Variants in SLC4A8 observed in about 807,000 individuals in gnomAD.
SLC4A8 encodes the protein electroneutral sodium bicarbonate exchanger 1.
A neutral mutation model predicts 125.0 loss-of-function variants in SLC4A8; 40 were observed. That is an observed-to-expected ratio of 0.32 (90% confidence interval 0.25 to 0.42). SLC4A8 has a LOEUF of 0.42. SLC4A8 is among the 10% of genes least tolerant of loss of function. SLC4A8 has a pLI of 1.00. For synonymous variants in SLC4A8, 456 were observed against 476.0 expected (o/e 0.96, Z 0.55); for missense variants, 863 against 1,355.1 (o/e 0.64, Z 5.70).
intron 5 of SLC4A8, among the ~76,000 whole-genome samples, chr12:51,456,200 G>A (rs1592214303): frequency 6.6e-6 from 1 of 152,122 alleles, no homozygotes; most frequent in South Asian, 2.1e-4. Context: ...GATAGATAGA[G>A]GGAGACATGA....
Position 51,493,723 on chromosome 12 carries a change from TC to T in SLC4A8, c.2721del (p.Tyr908ThrfsTer21). ...AILKFIPMPVLYGVFLYMGVS... is the reference protein window; with the variant it reads ...AILKFIPMPVXYGVFLYMGVS... The stretch of plus-strand genomic sequence containing the variant: ...CTTCAGTTTATTCCAATGCCAGTAC[TC>T]TACGGAGTTTTCCTTTACATGGGAG... On this transcript the variant is annotated frameshift_variant, in exon 20 of 25. Transcript: ENST00000453097. LOFTEE classifies it high-confidence loss of function. 6.2e-7 allele frequency: 1 copy of T among 1,610,310 alleles called. No individual in the cohort carries two copies. Among genetic ancestry groups the T allele is most frequent in the Non-Finnish European group, 8.5e-7 (1 of 1,176,478 alleles).
upstream of SLC4A8, among the ~76,000 whole-genome samples, chr12:51,423,446 A>G (rs1393093699): frequency 6.6e-6 from 1 of 152,234 alleles, no homozygotes; most frequent in Non-Finnish European, 1.5e-5. Flanking sequence ...TGACAGGATT[A>G]GTAAAGAGAT....
intron 17 of SLC4A8, 127 bp from the exon 18 acceptor site, chr12:51,488,571 CT>C (rs10706140): frequency 0.45 from 226,545 of 504,410 alleles, 21,508 homozygotes; most frequent in African/African-American, 0.53. Context: ...TATTTCATGC[CT>C]TTTTTTTTTT....
Position 51,489,920 on chromosome 12 carries a change from G to A in SLC4A8, c.2669G>A (p.Gly890Asp). Residue 890 changes from glycine to aspartate, a missense_variant, in exon 19 of 25, where the codon GGC (glycine) becomes GAC (aspartate). Physicochemically the swap from Gly to Asp is moderately conservative, Grantham distance 94. Transcript: ENST00000453097. The part of the protein sequence containing the change: ...VTGLMIFVLM[G>D]CSVFMTAILK... ...GGCCTTATGATCTTTGTGCTGATGG[G>A]CTGCTCAGTCTTCATGACGGCTATC... 6.2e-7 allele frequency: 1 copy of A among 1,614,182 alleles called. No homozygotes were observed. Among genetic ancestry groups the A allele is most frequent in the Non-Finnish European group, 8.5e-7 (1 of 1,180,040 alleles).
intron 22 of SLC4A8, 39 bp from the exon 23 acceptor site, chr12:51,503,990 A>T (rs1291921887): frequency 1.7e-6 from 2 of 1,172,884 alleles, no homozygotes; most frequent in Admixed American, 2.1e-5. Flanking sequence ...TTATGGTCTT[A>T]CTTGGTCCAA....
At chr12:51,503,987 C>T in intron 22 of SLC4A8, 42 bp from the exon 23 acceptor site, 5 of 1,137,166 alleles carry the variant, frequency 4.4e-6, no homozygotes, top group Non-Finnish European at 6.5e-6. Flanking sequence ...AACTTATGGT[C>T]TTACTTGGTC....
intron 1 of SLC4A8, among the ~76,000 whole-genome samples, chr12:51,392,372 G>C (rs1948140501): frequency 1.3e-5 from 2 of 151,862 alleles, no homozygotes; most frequent in Admixed American, 1.3e-4. Context: ...AGGAATTCGA[G>C]ACCAGCCTGG....
chr12:51,398,028 C>T (rs960639542), intron 1 of SLC4A8, among the ~76,000 whole-genome samples: 15 of 152,160 alleles, frequency 9.9e-5, no homozygotes, highest in African/African-American at 3.4e-4. Flanking sequence ...CCCACCTCAG[C>T]CTCCCAAAGT....
rs1295615434 is a variant in SLC4A8, at chr12:51,475,120, T to C, written c.2086T>C (p.Phe696Leu). The C allele has an allele frequency of 1.9e-6, 3 of 1,613,942 alleles. No homozygotes were observed. The highest frequency in any genetic ancestry group is 2.7e-5 in the African/African-American group (2 of 74,950). Residue 696 changes from phenylalanine (F) to leucine (L), a missense_variant, in exon 16 of 25, where the codon TTT becomes CTT. Physicochemically the swap from Phe to Leu is conservative, Grantham distance 22. Coordinates refer to ENST00000453097, the MANE Select transcript of SLC4A8 (RefSeq NM_001039960.3). ...HHGPYTPDVL[F>L]WSCILFFTTF... ...TGGACCCTACACTCCTGATGTCCTC[T>C]TTTGGTCCTGTATTCTCTTTTTCAC...
At chr12:51,402,957 G>T in intron 1 of SLC4A8, 2 of 315,100 alleles carry the variant, frequency 6.3e-6, no homozygotes, top group Non-Finnish European at 1.3e-5. Flanking sequence ...GTCCCTGATA[G>T]AATCCCCCCC....
chr12:51,400,773 TATATACATACATACAC>T (rs1487597825), intron 1 of SLC4A8, among the ~76,000 whole-genome samples: 973 of 4,478 alleles, frequency 0.22, 122 homozygotes, highest in Admixed American at 0.28. Flanking sequence ...TATATATATA[TATATACATACATACAC>T]ACACACACAC....
chr12:51,500,443 T>C (rs942803264), intron 22 of SLC4A8, among the ~76,000 whole-genome samples: 6 of 152,154 alleles, frequency 3.9e-5, no homozygotes, highest in Non-Finnish European at 8.8e-5. Flanking sequence ...TGAGTTTGTA[T>C]TTATATATAT....
In SLC4A8 at chr12:51,488,834, A is replaced by T; in HGVS notation, c.2422A>T (p.Ile808Phe). 6.2e-7 allele frequency: 1 copy of T among 1,613,842 alleles called. No homozygotes were observed. The change falls in exon 18 of 25, where the codon ATT becomes TTT. Residue 808 changes from isoleucine to phenylalanine, a missense_variant. Physicochemically the swap from Ile to Phe is conservative, Grantham distance 21 (BLOSUM62 0). Around this residue, in one of 6 missense-constraint regions of SLC4A8, gnomAD observed 197 missense variants for 377.7 expected, o/e 0.52. Transcript: ENST00000453097. ...GGATCAGCAGATCACAGCCGTCATT[A>T]TTAACAGGAAGGAACATAAGCTCAA... ...FMDQQITAVI[I>F]NRKEHKLKKG...
At chr12:51,466,943 A>ATG (rs5798175) in intron 11 of SLC4A8, among the ~76,000 whole-genome samples, 152 of 149,384 alleles carry the variant, frequency 1.0e-3, no homozygotes, top group African/African-American at 1.5e-3. Flanking sequence ...GCCTCAGAGT[A>ATG]TGTGTGTGTG....
chr12:51,408,105 A>G (rs1173819062), intron 1 of SLC4A8, among the ~76,000 whole-genome samples: 1 of 152,180 alleles, frequency 6.6e-6, no homozygotes, highest in East Asian at 1.9e-4. Flanking sequence ...GTATGACCTC[A>G]TCTTAACTGA....
intron 10 of SLC4A8, 56 bp downstream of exon 10, chr12:51,462,512 G>T: frequency 6.9e-7 from 1 of 1,443,588 alleles, no homozygotes; most frequent in Non-Finnish European, 9.3e-7. Flanking sequence ...TGCCCACCAT[G>T]GACAAAGCAA....
At chr12:51,447,575 GTGGGTAC>G (rs1274542273) in intron 2 of SLC4A8, among the ~76,000 whole-genome samples, 1 of 152,132 alleles carries the variant, frequency 6.6e-6, no homozygotes, top group Non-Finnish European at 1.5e-5. Context: ...TGAGGTGATG[GTGGGTAC>G]AGCAGTCAAG....
At chr12:51,470,798 C>T (rs560984757) in intron 13 of SLC4A8, among the ~76,000 whole-genome samples, 1 of 152,232 alleles carries the variant, frequency 6.6e-6, no homozygotes, top group Admixed American at 6.5e-5. Flanking sequence ...CTAGCTAATT[C>T]AAACTTCTCC....
chr12:51,421,362 A>C (rs1948786022), upstream of SLC4A8, among the ~76,000 whole-genome samples: 1 of 152,202 alleles, frequency 6.6e-6, no homozygotes, highest in African/African-American at 2.4e-5. Flanking sequence ...CCCTGGGAGG[A>C]TAGAGCCTGT....
Sources: allele counts gnomAD v4.1 joint callset (sites outside exome capture counted in the v4.1 genomes callset), GRCh38; gene constraint gnomAD v4.1.1; regional missense constraint gnomAD v4.1.1; transcripts MANE v1.5; gene names NCBI Gene and HGNC (gene_info 2026-07-23, HGNC 2026-07-21).